The following CDA variants were observed in gnomAD, a reference collection of about 807,000 sequenced individuals.
The protein encoded by CDA is cytidine aminohydrolase.
In CDA, 7 loss-of-function variants were observed where a neutral mutation model predicts 15.0. The ratio of observed to expected loss-of-function variants is 0.47; its 90% CI spans 0.26 to 0.87. The LOEUF (loss-of-function observed/expected upper bound fraction) is 0.87. Ranked by LOEUF, CDA falls within the 40% of genes least tolerant of loss-of-function variation. The pLI is 0.15. For synonymous variants in CDA, 58 were observed against 73.0 expected, an observed-to-expected ratio of 0.79 and a Z score of 1.05; for missense variants, 159 against 182.7, an observed-to-expected ratio of 0.87 and a Z score of 0.75.
At chr1:20,611,068 T>C (rs1018650637) in intron 2 of CDA, among the ~76,000 whole-genome samples, 1 of 152,124 alleles carries the variant, frequency 6.6e-6, no homozygotes, top group African/African-American at 2.4e-5. Flanking sequence ...AGTAAGATCC[T>C]ATTTCTACAA....
chr1:20,603,041 G>A (rs1223291614), intron 1 of CDA, among the ~76,000 whole-genome samples: 1 of 152,314 alleles, frequency 6.6e-6, no homozygotes. Flanking sequence ...TCAGTGGTGG[G>A]TACCACGGCC....
chr1:20,594,161 G>A (rs1364760365), intron 1 of CDA, among the ~76,000 whole-genome samples: 4 of 152,216 alleles, frequency 2.6e-5, no homozygotes, highest in South Asian at 2.1e-4. Flanking sequence ...AAGGCAGCTG[G>A]TGTCCCATCC....
At chr1:20,606,342 A>G (rs945303225) in intron 2 of CDA, among the ~76,000 whole-genome samples, 3 of 151,868 alleles carry the variant, frequency 2.0e-5, no homozygotes, top group Non-Finnish European at 4.4e-5. Context: ...CTCCAAAACA[A>G]AAAAGCGGGA....
At chr1:20,594,186 C>A (rs1388070570) in intron 1 of CDA, among the ~76,000 whole-genome samples, 1 of 152,320 alleles carries the variant, frequency 6.6e-6, no homozygotes, top group East Asian at 1.9e-4. Context: ...CAAAAGCAGG[C>A]CTGGCTGCAA....
At chr1:20,594,792 A>AAC (rs1426348609) in intron 1 of CDA, among the ~76,000 whole-genome samples, 1 of 151,528 alleles carries the variant, frequency 6.6e-6, no homozygotes, top group Non-Finnish European at 1.5e-5. Context: ...CCATCTCAAA[A>AAC]AAAAAAAAAA....
chr1:20,599,913 A>T (rs12402391), intron 1 of CDA, among the ~76,000 whole-genome samples: 64,889 of 151,822 alleles, frequency 0.43, 13,817 homozygotes, highest in African/African-American at 0.44. Flanking sequence ...ATCATTAGCG[A>T]TTTACAAATG....
At chr1:20,617,422 T>G (rs1157579983) in intron 3 of CDA, among the ~76,000 whole-genome samples, 1 of 152,190 alleles carries the variant, frequency 6.6e-6, no homozygotes, top group Non-Finnish European at 1.5e-5. Context: ...CATCTTGAAT[T>G]GTAGCTCCCA....
At chr1:20,614,470 A>C (rs1373047726) in intron 3 of CDA, among the ~76,000 whole-genome samples, 2 of 152,212 alleles carry the variant, frequency 1.3e-5, no homozygotes, top group Non-Finnish European at 2.9e-5. Flanking sequence ...GCCCTGACAC[A>C]GCAGAGGTGA....
chr1:20,613,035 A>G (rs775967681), intron 2 of CDA, among the ~76,000 whole-genome samples: 9 of 151,718 alleles, frequency 5.9e-5, no homozygotes, highest in African/African-American at 1.2e-4. Context: ...GAATTAATGA[A>G]TGTTGAGTGC....
chr1:20,593,749 T>A (rs2052568480), intron 1 of CDA, among the ~76,000 whole-genome samples: 1 of 152,200 alleles, frequency 6.6e-6, no homozygotes, highest in Admixed American at 6.5e-5. Context: ...TAATCTTTTT[T>A]ATTTTTATAG....
At chr1:20,604,147 C>G (rs1175448766) in intron 1 of CDA, among the ~76,000 whole-genome samples, 2 of 152,176 alleles carry the variant, frequency 1.3e-5, no homozygotes, top group Non-Finnish European at 2.9e-5. Context: ...CAGCCAGTAC[C>G]TAACCCCCAA....
intron 3 of CDA, 111 bp downstream of exon 3, chr1:20,614,010 A>G (rs2052780439): frequency 2.1e-6 from 2 of 956,126 alleles, no homozygotes; most frequent in East Asian, 2.5e-5. Context: ...AGACACAGCT[A>G]CTGTCCTGTT....
intron 2 of CDA, among the ~76,000 whole-genome samples, chr1:20,611,782 C>T (rs1257255870): frequency 1.3e-5 from 2 of 152,232 alleles, no homozygotes; most frequent in African/African-American, 4.8e-5. Context: ...TGAGCTTCTT[C>T]AGTGCAAGGA....
chr1:20,600,666 A>G (rs961199132), intron 1 of CDA, among the ~76,000 whole-genome samples: 1 of 151,278 alleles, frequency 6.6e-6, no homozygotes, highest in Admixed American at 6.6e-5. Flanking sequence ...TGAGATGAGA[A>G]TCACTTGAAC....
intron 1 of CDA, among the ~76,000 whole-genome samples, chr1:20,596,284 G>A (rs1037577918): frequency 2.0e-5 from 3 of 152,162 alleles, no homozygotes; most frequent in South Asian, 2.1e-4. Context: ...AGAGAGTGTC[G>A]TATTTCTTCA....
chr1:20,618,148 G>T (rs1363784332), intron 3 of CDA, among the ~76,000 whole-genome samples: 1 of 151,194 alleles, frequency 6.6e-6, no homozygotes, highest in African/African-American at 2.4e-5. Context: ...GGTGTTAGTT[G>T]TCATTTGTCA....
chr1:20,603,598 G>A (rs1387167982), intron 1 of CDA, among the ~76,000 whole-genome samples: 1 of 152,180 alleles, frequency 6.6e-6, no homozygotes, highest in African/African-American at 2.4e-5. Flanking sequence ...GTGCTGCAAG[G>A]GAGTCTGGGA....
At chr1:20,617,278 T>A (rs2052821281) in intron 3 of CDA, among the ~76,000 whole-genome samples, 1 of 152,158 alleles carries the variant, frequency 6.6e-6, no homozygotes, top group Non-Finnish European at 1.5e-5. Flanking sequence ...TTTGCTGACT[T>A]TACTCTGCTA....
intron 3 of CDA, among the ~76,000 whole-genome samples, chr1:20,616,131 C>T (rs2052799242): frequency 6.6e-6 from 1 of 152,206 alleles, no homozygotes; most frequent in Non-Finnish European, 1.5e-5. Flanking sequence ...TGAAGGGCCC[C>T]CTGCCAGGCG....
Sources: allele counts gnomAD v4.1 joint callset (sites outside exome capture counted in the v4.1 genomes callset), GRCh38; gene constraint gnomAD v4.1.1; transcripts MANE v1.5; gene names NCBI Gene and HGNC (gene_info 2026-07-23, HGNC 2026-07-21).